The following MACROD2 variants were observed in gnomAD, a reference collection of about 807,000 sequenced individuals.
The protein encoded by MACROD2 is ADP-ribose glycohydrolase MACROD2.
A neutral mutation model predicts 70.4 loss-of-function variants in MACROD2; 36 were observed. The observed-to-expected ratio is 0.51, with a 90% CI of 0.39 to 0.68. The LOEUF is 0.68. Among genes scored for constraint, MACROD2 ranks in the 30% least tolerant of loss-of-function variants. The pLI, the probability that MACROD2 is intolerant of heterozygous loss-of-function variation, is 0.00. For synonymous variants in MACROD2, 172 were observed against 178.8 expected, an observed-to-expected ratio of 0.96 and a Z score of 0.30; for missense variants, 496 against 538.4, an observed-to-expected ratio of 0.92 and a Z score of 0.78.
intron 3 of MACROD2, among the ~76,000 whole-genome samples, chr20:14,296,333 T>G (rs998802347): frequency 6.6e-6 from 1 of 151,936 alleles, no homozygotes; most frequent in African/African-American, 2.4e-5. Flanking sequence ...GCATGTGCAT[T>G]TAGAGACATG....
intron 5 of MACROD2, among the ~76,000 whole-genome samples, chr20:14,934,562 C>T (rs952713414): frequency 3.9e-5 from 6 of 151,950 alleles, no homozygotes; most frequent in Admixed American, 1.3e-4. Context: ...TGAGGCGGGT[C>T]GATCACTTGA....
intron 8 of MACROD2, among the ~76,000 whole-genome samples, chr20:15,535,247 A>G (rs1325318799): frequency 6.6e-6 from 1 of 152,174 alleles, no homozygotes; most frequent in East Asian, 1.9e-4. Flanking sequence ...AATTGCTGGG[A>G]TTACAGGCAT....
intron 5 of MACROD2, 93 bp from the exon 6 acceptor site, chr20:15,229,847 A>T (rs1238191294): frequency 7.7e-7 from 1 of 1,306,636 alleles, no homozygotes; most frequent in African/African-American, 1.5e-5. Context: ...CCAGGCTCTA[A>T]CACAAATACC....
intron 4 of MACROD2, among the ~76,000 whole-genome samples, chr20:14,576,561 T>C (rs930138815): frequency 6.6e-6 from 1 of 152,144 alleles, no homozygotes; most frequent in African/African-American, 2.4e-5. Flanking sequence ...CAATGCAAAA[T>C]ATGGAGGTCC....
intron 8 of MACROD2, among the ~76,000 whole-genome samples, chr20:15,752,247 A>G (rs528185531): frequency 6.6e-6 from 1 of 152,250 alleles, no homozygotes; most frequent in Non-Finnish European, 1.5e-5. Flanking sequence ...CAGGGAAAAT[A>G]TACCAGTTTC....
At chr20:14,331,846 A>G (rs1372435516) in intron 3 of MACROD2, among the ~76,000 whole-genome samples, 1 of 152,108 alleles carries the variant, frequency 6.6e-6, no homozygotes, top group Non-Finnish European at 1.5e-5. Flanking sequence ...TCAAATGTCG[A>G]TGATGAAAAG....
chr20:15,269,755 T>A lies in MACROD2; in HGVS notation c.540+39694T>A, dbSNP rs12626143. 6.8e-4 allele frequency among the ~76,000 whole-genome samples: 104 copies of A among 152,316 alleles called. 2 individuals are homozygous for A. The East Asian group carries it at 0.019, about 27-fold the overall frequency. On this transcript the variant is annotated intron_variant, in intron 6 of 17. Coordinates refer to ENST00000684519, the MANE Select transcript of MACROD2 (RefSeq NM_001351661.2). ...GGATTTCTGAAGAAGACAATTCATA[T>A]TTTCTGTGCACCTGCCTTCTCAATA...
intron 7 of MACROD2, among the ~76,000 whole-genome samples, chr20:15,498,130 T>C (rs576156506): frequency 1.2e-4 from 18 of 152,224 alleles, no homozygotes; most frequent in Non-Finnish European, 1.6e-4. Context: ...AGTCATTGTC[T>C]CTAAGAAAAA....
chr20:14,193,067 C>T (rs966722306), intron 3 of MACROD2, among the ~76,000 whole-genome samples: 4 of 152,226 alleles, frequency 2.6e-5, no homozygotes, highest in African/African-American at 9.6e-5. Context: ...TTCAGCCTGA[C>T]ATGTTACAAA....
At chr20:14,972,239 C>A (rs924300722) in intron 5 of MACROD2, among the ~76,000 whole-genome samples, 1 of 152,182 alleles carries the variant, frequency 6.6e-6, no homozygotes, top group Non-Finnish European at 1.5e-5. Context: ...AGAGCCTGCC[C>A]AGACTGAAGA....
chr20:14,313,458 TG>T (rs2082585118), intron 3 of MACROD2, among the ~76,000 whole-genome samples: 1 of 147,972 alleles, frequency 6.8e-6, no homozygotes, highest in Non-Finnish European at 1.5e-5. Flanking sequence ...TGTCCCAAAA[TG>T]AAGGTGAAGT....
chr20:15,556,545 T>G (rs1015845643), intron 8 of MACROD2, among the ~76,000 whole-genome samples: 4 of 152,250 alleles, frequency 2.6e-5, no homozygotes, highest in Non-Finnish European at 5.9e-5. Context: ...AGTAATGAAG[T>G]TCTTCAATGA....
At chr20:15,981,072 TA>T (rs1346041962) in intron 13 of MACROD2, among the ~76,000 whole-genome samples, 1 of 152,234 alleles carries the variant, frequency 6.6e-6, no homozygotes, top group Non-Finnish European at 1.5e-5. Flanking sequence ...AGGGAATGCC[TA>T]GGAGTTCGCC....
intron 5 of MACROD2, among the ~76,000 whole-genome samples, chr20:14,782,343 G>A (rs1449096526): frequency 6.6e-6 from 1 of 151,932 alleles, no homozygotes; most frequent in East Asian, 1.9e-4. Flanking sequence ...TGCTCCCTAG[G>A]GCCTTAACTA....
chr20:14,658,946 C>A (rs1419597510), intron 4 of MACROD2, among the ~76,000 whole-genome samples: 3 of 152,124 alleles, frequency 2.0e-5, no homozygotes, highest in African/African-American at 7.2e-5. Flanking sequence ...TTTAAAATAG[C>A]GATTTTCAAA....
rs972662521 is a variant in MACROD2 at position 14,890,594 on chromosome 20, C to T, written c.418+205635C>T. On this transcript the variant is annotated intron_variant, in intron 5 of 17. Coordinates refer to ENST00000684519, the MANE Select transcript of MACROD2 (RefSeq NM_001351661.2). ...ACCAGCCTGGGCAACATAGTGAGACCCCCATCTCTATTTAAAAAATAGCCA... is the reference window on the plus strand; with the variant it reads ...ACCAGCCTGGGCAACATAGTGAGACTCCCATCTCTATTTAAAAAATAGCCA... 6.6e-5 allele frequency among the ~76,000 whole-genome samples: 10 copies of T among 151,430 alleles called. No homozygotes were observed. The East Asian group carries it at 1.2e-3, about 18-fold the overall frequency.
At chr20:15,968,809 A>ATATATATATATATTATGCG (rs1477820828) in intron 13 of MACROD2, among the ~76,000 whole-genome samples, 1 of 93,064 alleles carries the variant, frequency 1.1e-5, no homozygotes, top group African/African-American at 7.4e-5. Flanking sequence ...ATATATATAT[A>ATATATATATATATTATGCG]TATATATATA....
chr20:15,414,738 T>C (rs1386383751), intron 6 of MACROD2, among the ~76,000 whole-genome samples: 4 of 152,198 alleles, frequency 2.6e-5, no homozygotes, highest in Admixed American at 2.0e-4. Context: ...CTCCTTGCCT[T>C]CCCAAGGTTG....
intron 4 of MACROD2, among the ~76,000 whole-genome samples, chr20:14,587,656 T>C (rs985288295): frequency 5.9e-5 from 9 of 151,924 alleles, no homozygotes; most frequent in African/African-American, 1.9e-4. Flanking sequence ...ATAACACATA[T>C]TAATATACAC....
Sources: gnomAD v4.1 joint callset for allele counts (sites outside exome capture counted in the v4.1 genomes callset) on GRCh38, gnomAD v4.1.1 for gene constraint, MANE v1.5 for transcripts, NCBI Gene and HGNC (gene_info 2026-07-23, HGNC 2026-07-21) for gene names.